FNBP4: variants seen among roughly 807,000 people sequenced by gnomAD.
FNBP4 encodes the protein formin-binding protein 4.
A neutral mutation model predicts 119.3 loss-of-function variants in FNBP4; 34 were observed. The observed-to-expected ratio is 0.28, with a 90% CI of 0.22 to 0.38. The LOEUF (loss-of-function observed/expected upper bound fraction) is 0.38, where lower values mean the gene tolerates loss of function less well. Among genes scored for constraint, FNBP4 ranks in the 10% least tolerant of loss-of-function variants. The pLI, the probability that FNBP4 is intolerant of heterozygous loss-of-function variation, is 1.00. For missense variants in FNBP4, 1,112 were observed against 1,228.9 expected, an observed-to-expected ratio of 0.90 and a Z score of 1.42; for synonymous variants, 462 against 430.6, an observed-to-expected ratio of 1.07 and a Z score of -0.90.
At chr11:47,756,583 T>C (rs895822724) in intron 2 of FNBP4, among the ~76,000 whole-genome samples, 2 of 152,134 alleles carry the variant, frequency 1.3e-5, no homozygotes, top group Admixed American at 6.6e-5. Flanking sequence ...CTAAGGTACA[T>C]GTGCACAATG....
intron 12 of FNBP4, chr11:47,729,674 T>C (rs531247796): frequency 2.3e-4 from 226 of 981,584 alleles, no homozygotes; most frequent in Middle Eastern, 5.2e-4. Flanking sequence ...TAACTATGCC[T>C]GGCTAACTTT....
At chr11:47,726,037 G>C (rs2097560562) in intron 12 of FNBP4, 1 of 152,178 alleles carries the variant, frequency 6.6e-6, no homozygotes, top group African/African-American at 2.4e-5. Flanking sequence ...TGAGATACCA[G>C]GAATCCAAGA....
At chr11:47,728,871 G>C (rs894045712) in intron 12 of FNBP4, among the ~76,000 whole-genome samples, 1 of 62,618 alleles carries the variant, frequency 1.6e-5, no homozygotes, top group Non-Finnish European at 3.2e-5. Flanking sequence ...TTTTTTTTTA[G>C]ATAAAGAGTT....
intron 6 of FNBP4, among the ~76,000 whole-genome samples, chr11:47,750,688 C>CAAAAAAAAAAAAA (rs67153479): frequency 1.2e-4 from 8 of 68,064 alleles, no homozygotes; most frequent in African/African-American, 3.8e-4. Flanking sequence ...GACTCTGTCT[C>CAAAAAAAAAAAAA]AAAAAAAAAA....
At chr11:47,743,599 T>C (rs2097585340) in intron 8 of FNBP4, among the ~76,000 whole-genome samples, 2 of 152,130 alleles carry the variant, frequency 1.3e-5, no homozygotes, top group Non-Finnish European at 1.5e-5. Flanking sequence ...GACCTTACCA[T>C]GAATGAATGA....
intron 12 of FNBP4, among the ~76,000 whole-genome samples, chr11:47,730,441 T>A (rs1314838489): frequency 6.6e-6 from 1 of 152,194 alleles, no homozygotes; most frequent in East Asian, 1.9e-4. Flanking sequence ...AACAAAATCA[T>A]CTGGTACACA....
rs145732545 is a variant in FNBP4, at chr11:47,729,492, T to G, written c.2008+1882A>C. On this transcript the variant is annotated intron_variant, in intron 12 of 16. Coordinates refer to ENST00000263773, the MANE Select transcript of FNBP4 (RefSeq NM_015308.5). ...TTTGAAACTTCTTGGCTTCTCACAG[T>G]GTAATTTTGCACCCCTTCCCCCACT... The G allele has an allele frequency of 3.0e-6, 3 of 985,334 alleles. No individual in the cohort carries two copies. The East Asian group carries it at 3.4e-4, about 112-fold the overall frequency. 61.0% of individuals were successfully genotyped at this position (985,334 alleles called of 1,614,324 possible).
intron 16 of FNBP4, among the ~76,000 whole-genome samples, chr11:47,719,141 G>A (rs780244311): frequency 4.6e-5 from 7 of 152,168 alleles, no homozygotes; most frequent in Non-Finnish European, 8.8e-5. Flanking sequence ...ACCCGCCTTG[G>A]CCTCCCAAAG....
In FNBP4 at chr11:47,732,096, A is replaced by G; in HGVS notation, c.1820+441T>C. ...AAAAATCAAGAAAAGCCAAATATATAAAGAAATGTTTTCATCTGACCTGCT... is the reference window on the plus strand; with the variant it reads ...AAAAATCAAGAAAAGCCAAATATATGAAGAAATGTTTTCATCTGACCTGCT... On this transcript the variant is annotated intron_variant, in intron 11 of 16. Coordinates refer to ENST00000263773, the MANE Select transcript of FNBP4 (RefSeq NM_015308.5). This position sits in a 1 kb window ranked among gnomAD's most constrained non-coding sequence, Gnocchi z 4.2. 1 of 994,796 alleles carries G rather than the reference A, an allele frequency of 1.0e-6. No individual in the cohort carries two copies. Among genetic ancestry groups the G allele is most frequent in the Non-Finnish European group, 1.2e-6 (1 of 836,256 alleles). The allele number at this position is 994,796 out of a possible 1,614,324, so 61.6% of individuals were successfully genotyped here. A position where few individuals can be genotyped will look rare whatever the true frequency, so the allele number is the denominator to read the frequency against.
chr11:47,720,054 C>G lies in FNBP4; in HGVS notation c.2838G>C (p.Leu946Phe). 1 of 1,613,914 alleles carries G rather than the reference C, an allele frequency of 6.2e-7. No individual in the cohort carries two copies. The highest frequency in any genetic ancestry group is 1.3e-5 in the African/African-American group (1 of 75,024). The change falls in exon 16 of 17, where the codon TTG (leucine) becomes TTC (phenylalanine). Residue 946 changes from leucine (L) to phenylalanine (F), a missense_variant. Physicochemically the swap from Leu to Phe is conservative, Grantham distance 22 (BLOSUM62 0). Coordinates refer to ENST00000263773, the MANE Select transcript of FNBP4 (RefSeq NM_015308.5). ...AKKSKTKMPS[L>F]VKKWQSIQRE... ...GCTGGATACTCTGCCACTTTTTTAC[C>G]AAAGATGGCATTTTGGTCTTACTCT... is the stretch of plus-strand genomic sequence containing the variant.
Position 47,744,159 on chromosome 11 carries a change from T to A in FNBP4, c.1250A>T (p.Glu417Val). ...LELVLERKKA[E>V]LRALEEGDGS... ...ATCTCCTTCCTCCAAGGCTCGCAAC[T>A]CTGCCTACAAAGAACATGACAATTA... The change falls in exon 8 of 17, where the codon GAG (glutamate) becomes GTG (valine). Residue 417 changes from glutamate (E) to valine (V), a missense_variant. Physicochemically the swap from Glu to Val is moderately radical, Grantham distance 121 (BLOSUM62 -2). This residue lies in a region of FNBP4 where 826 missense variants were observed against 988.8 expected (regional missense o/e 0.84). Transcript: ENST00000263773. 6.2e-7 allele frequency: 1 copy of A among 1,613,906 alleles called. No individual in the cohort carries two copies. Among genetic ancestry groups the A allele is most frequent in the Non-Finnish European group, 8.5e-7 (1 of 1,179,838 alleles).
At chr11:47,756,047 C>T (rs1320955871) in intron 2 of FNBP4, among the ~76,000 whole-genome samples, 1 of 152,054 alleles carries the variant, frequency 6.6e-6, no homozygotes, top group African/African-American at 2.4e-5. Flanking sequence ...AATGATTATT[C>T]CTCAAATAGG....
At chr11:47,759,060 C>T (rs1243425940) in intron 2 of FNBP4, among the ~76,000 whole-genome samples, 3 of 151,160 alleles carry the variant, frequency 2.0e-5, no homozygotes, top group Non-Finnish European at 4.4e-5. Flanking sequence ...CTAGGATTAA[C>T]AGGCGCACGC....
At chr11:47,760,707 C>A (rs1348335360) in intron 2 of FNBP4, among the ~76,000 whole-genome samples, 1 of 152,004 alleles carries the variant, frequency 6.6e-6, no homozygotes, top group Non-Finnish European at 1.5e-5. Flanking sequence ...GTGCTGGGAT[C>A]ACAGGCGTGA....
At chr11:47,747,235 C>T (rs915449778) in intron 6 of FNBP4, among the ~76,000 whole-genome samples, 21 of 152,086 alleles carry the variant, frequency 1.4e-4, no homozygotes, top group Non-Finnish European at 2.5e-4. Context: ...GACGAACTCT[C>T]GCTCTTCTTG....
rs1330767451 is a variant in FNBP4, at chr11:47,729,606, C to G, written c.2008+1768G>C. 3 of 942,002 alleles carry G rather than the reference C, an allele frequency of 3.2e-6. No homozygotes were observed. The East Asian group carries it at 3.5e-4, about 110-fold the overall frequency. 58.4% of individuals were successfully genotyped at this position (942,002 alleles called of 1,614,324 possible). On this transcript the variant is annotated intron_variant, in intron 12 of 16. Transcript: ENST00000263773. ...CTTACTGCAGCCTCAAAATCTTGGG[C>G]TCAACCAATCTTCCCACCTCAACCT...
At chr11:47,731,650 C>A in intron 11 of FNBP4, 89 bp from the exon 12 acceptor site, 1 of 1,510,632 alleles carries the variant, frequency 6.6e-7, no homozygotes, top group Non-Finnish European at 8.8e-7. Context: ...CAGCAGTCTG[C>A]TTTCACAGGG....
chr11:47,762,429 T>C (rs936207764), intron 2 of FNBP4, among the ~76,000 whole-genome samples: 1 of 151,936 alleles, frequency 6.6e-6, no homozygotes, highest in Admixed American at 6.6e-5. Context: ...GCCCCGCCTA[T>C]TTTTTTAAAT....
intron 2 of FNBP4, among the ~76,000 whole-genome samples, chr11:47,759,674 C>T (rs1279210234): frequency 6.6e-6 from 1 of 151,726 alleles, no homozygotes; most frequent in African/African-American, 2.4e-5. Context: ...AAATACTGGC[C>T]GGGCACGGTG....
Sources: gnomAD v4.1 joint callset for allele counts (sites outside exome capture counted in the v4.1 genomes callset) on GRCh38, gnomAD v4.1.1 for gene constraint, gnomAD v4.1.1 regional missense constraint, Gnocchi (gnomAD v3.1) non-coding constraint, MANE v1.5 for transcripts, NCBI Gene and HGNC (gene_info 2026-07-23, HGNC 2026-07-21) for gene names.